Variants in CYLC2 observed in about 807,000 individuals in gnomAD.
The protein encoded by CYLC2 is cylicin-2.
Under a neutral mutation model 26.1 loss-of-function variants are expected in CYLC2, and 30 were observed. That is an observed-to-expected ratio of 1.15 (90% CI 0.86 to 1.56). The LOEUF is 1.56. Ranked by LOEUF, CYLC2 falls within the 40% of genes most tolerant of loss-of-function variation. The pLI is 0.00. For missense variants in CYLC2, 498 were observed against 394.4 expected (o/e 1.26, Z -2.23); for synonymous variants, 158 against 132.8 (o/e 1.19, Z -1.31).
In CYLC2 at chr9:103,003,223, G is replaced by C. The variant is rs2118233443; in HGVS notation, c.140G>C (p.Arg47Thr). The change falls in exon 3 of 8, where the codon AGG (arginine) becomes ACG (threonine). Residue 47 changes from arginine (R) to threonine (T), a missense_variant. Transcript: ENST00000374798. ...AAACCACAACGGCCAGGAACCAAAA[G>C]GAGATCAAAACCTTCTCAAATACGG... ...FPKPQRPGTK[R>T]RSKPSQIRDN... 1 of 1,613,750 alleles carries C rather than the reference G, an allele frequency of 6.2e-7. No individual in the cohort carries two copies. The highest frequency in any genetic ancestry group is 8.5e-7 in the Non-Finnish European group (1 of 1,179,840).
intron 5 of CYLC2, chr9:103,010,702 T>C (rs1197365264): frequency 6.6e-6 from 1 of 152,064 alleles, no homozygotes; most frequent in East Asian, 1.9e-4. Flanking sequence ...AGTTTAAAGA[T>C]CTACTACAGA....
Position 103,001,632 on chromosome 9 carries a change from C to A in CYLC2, c.58+14C>A. ...ATTACATTCCAGGTAAGAAAGCATT[C>A]AATATTTATTACAAAACAGGTGTGC... On this transcript the variant is annotated intron_variant, in intron 2 of 7. Coordinates refer to ENST00000374798, the MANE Select transcript of CYLC2 (RefSeq NM_001340.5). 6.6e-7 allele frequency: 1 copy of A among 1,512,232 alleles called. No homozygotes were observed. Among genetic ancestry groups the A allele is most frequent in the Non-Finnish European group, 9.2e-7 (1 of 1,092,274 alleles). The allele number at this position is 1,512,232 out of a possible 1,614,324, so 93.7% of individuals were successfully genotyped here.
chr9:103,000,837 C>T (rs911444456), intron 1 of CYLC2, among the ~76,000 whole-genome samples: 13 of 152,152 alleles, frequency 8.5e-5, no homozygotes, highest in African/African-American at 3.1e-4. Context: ...AATAATATTT[C>T]TCTAATAGAT....
chr9:103,015,127 TGATATACATAACATGTATATCAC>T (rs1829483981), intron 6 of CYLC2, among the ~76,000 whole-genome samples: 1 of 53,932 alleles, frequency 1.9e-5, no homozygotes, highest in Non-Finnish European at 3.4e-5. Flanking sequence ...GTATATCACG[TGATATACATAACATGTATATCAC>T]GTGATATACA....
intron 6 of CYLC2, among the ~76,000 whole-genome samples, chr9:103,015,296 T>A (rs1829487847): frequency 7.7e-6 from 1 of 130,504 alleles, no homozygotes; most frequent in African/African-American, 2.8e-5. Flanking sequence ...AATATAATTA[T>A]ATGTTATAAT....
intron 6 of CYLC2, among the ~76,000 whole-genome samples, chr9:103,012,353 C>A (rs1358955252): frequency 6.6e-6 from 1 of 152,000 alleles, no homozygotes; most frequent in African/African-American, 2.4e-5. Context: ...TTCAGGTCCA[C>A]TTTTTTAACC....
intron 6 of CYLC2, among the ~76,000 whole-genome samples, chr9:103,013,098 A>C (rs1287121230): frequency 7.1e-6 from 1 of 140,636 alleles, no homozygotes; most frequent in Non-Finnish European, 1.5e-5. Flanking sequence ...AAATAATATA[A>C]AAATATATAT....
intron 6 of CYLC2, among the ~76,000 whole-genome samples, chr9:103,015,646 T>C (rs1320562385): frequency 1.4e-5 from 2 of 147,558 alleles, no homozygotes; most frequent in Non-Finnish European, 3.0e-5. Context: ...TTGGACTCTC[T>C]ACTTGACCAG....
chr9:103,006,807 T>A (rs1458484648), intron 5 of CYLC2, among the ~76,000 whole-genome samples: 1 of 152,132 alleles, frequency 6.6e-6, no homozygotes, highest in East Asian at 1.9e-4. Context: ...AACCAAATTA[T>A]AATTAGATAG....
At chr9:103,010,526 T>A (rs2185583) in intron 5 of CYLC2, among the ~76,000 whole-genome samples, 2 of 152,012 alleles carry the variant, frequency 1.3e-5, no homozygotes, top group Middle Eastern at 3.4e-3. Context: ...TGAATCTGAA[T>A]GAATCTCATA....
intron 1 of CYLC2, among the ~76,000 whole-genome samples, chr9:102,996,607 C>T (rs540440262): frequency 6.6e-6 from 1 of 151,920 alleles, no homozygotes; most frequent in East Asian, 1.9e-4. Flanking sequence ...CAAGTGACAG[C>T]TCCCAATTCA....
intron 5 of CYLC2, 35 bp from the exon 6 acceptor site, chr9:103,011,947 C>CTTTTTTTTTTTTTT (rs776460013): frequency 3.1e-5 from 2 of 64,078 alleles, no homozygotes; most frequent in African/African-American, 1.2e-4. Flanking sequence ...AGATCATTCT[C>CTTTTTTTTTTTTTT]TTTTTTTTTT....
At position 103,006,142 on chromosome 9, in the gene CYLC2, G is replaced by A. The variant is rs1379088996; in HGVS notation, c.*464G>A. The A allele has an allele frequency of 1.3e-5, 2 of 149,280 alleles. No homozygotes were observed. The highest frequency in any genetic ancestry group is 5.0e-5 in the African/African-American group (2 of 40,078). 9.2% of individuals were successfully genotyped at this position (149,280 alleles called of 1,614,324 possible). ...TATAGATTTAAAATAATCTCAAGCTGCATCCACAGATACAAAAAAATATAG... is the reference window on the plus strand; with the variant it reads ...TATAGATTTAAAATAATCTCAAGCTACATCCACAGATACAAAAAAATATAG... On this transcript the variant is annotated 3_prime_UTR_variant, in exon 5 of 8. Coordinates refer to ENST00000374798, the MANE Select transcript of CYLC2 (RefSeq NM_001340.5).
chr9:103,003,025 T>A, intron 2 of CYLC2, 117 bp from the exon 3 acceptor site: 3 of 1,138,732 alleles, frequency 2.6e-6, no homozygotes, highest in Non-Finnish European at 3.7e-6. Flanking sequence ...ATAAATGAAG[T>A]CATAATTTGA....
At chr9:103,015,680 G>A (rs940491854) in intron 6 of CYLC2, among the ~76,000 whole-genome samples, 7 of 148,534 alleles carry the variant, frequency 4.7e-5, no homozygotes, top group Non-Finnish European at 8.9e-5. Flanking sequence ...AGAGTAGCTC[G>A]TTTTTGTCTA....
intron 5 of CYLC2, chr9:103,010,866 T>C (rs1368671410): frequency 2.0e-5 from 3 of 151,994 alleles, no homozygotes; most frequent in African/African-American, 7.2e-5. Flanking sequence ...TGTGCTGTAT[T>C]GAACAAATAT....
At position 103,005,322 on chromosome 9, in the gene CYLC2, G is replaced by T; in HGVS notation, c.691G>T (p.Ala231Ser). ...KKDSKKGKDS[A>S]IELQAVKADE... is the part of the protein sequence containing the mutation. Reference sequence around the variant, plus strand: ...GGATTCAAAGAAGGGCAAGGATTCAGCCATAGAATTACAAGCTGTAAAAGC... The same window carrying T: ...GGATTCAAAGAAGGGCAAGGATTCATCCATAGAATTACAAGCTGTAAAAGC... Residue 231 changes from alanine to serine, a missense_variant, in exon 5 of 8, where the codon GCC (alanine) becomes TCC (serine). Transcript: ENST00000374798. The T allele has an allele frequency of 6.2e-7, 1 of 1,613,798 alleles. No individual in the cohort carries two copies. The highest frequency in any genetic ancestry group is 8.5e-7 in the Non-Finnish European group (1 of 1,179,910).
intron 3 of CYLC2, among the ~76,000 whole-genome samples, chr9:103,004,489 G>A (rs953646600): frequency 4.6e-5 from 7 of 152,082 alleles, no homozygotes; most frequent in Middle Eastern, 3.4e-3. Flanking sequence ...CTGAAAGTAA[G>A]CTCCAAATGA....
At position 103,014,560 on chromosome 9, in the gene CYLC2, T is replaced by A. The variant is rs1298620080; in HGVS notation, c.*817-2328T>A. Among the ~76,000 whole-genome samples, 8 of 142,814 alleles carry A rather than the reference T, an allele frequency of 5.6e-5. 1 individual carries two copies. The highest frequency in any genetic ancestry group is 5.0e-4 in the Admixed American group (7 of 14,008). 93.7% of individuals were successfully genotyped at this position (142,814 alleles called of 152,430 possible). On this transcript the variant is annotated intron_variant, in intron 6 of 7. Coordinates refer to ENST00000374798, the MANE Select transcript of CYLC2 (RefSeq NM_001340.5). ...TCATATGTATATTATGCAGTATACATCATATGTATATTATGCAGTATACAT... is the reference window on the plus strand; with the variant it reads ...TCATATGTATATTATGCAGTATACAACATATGTATATTATGCAGTATACAT...
Sources: gnomAD v4.1 joint callset for allele counts (sites outside exome capture counted in the v4.1 genomes callset) on GRCh38, gnomAD v4.1.1 for gene constraint, MANE v1.5 for transcripts, NCBI Gene and HGNC (gene_info 2026-07-23, HGNC 2026-07-21) for gene names.